STARD3: variants seen among roughly 807,000 people sequenced by gnomAD.
The protein encoded by STARD3 is stAR-related lipid transfer protein 3.
STARD3 carries 39 observed loss-of-function variants against 62.0 expected under a neutral mutation model. The ratio of observed to expected loss-of-function variants is 0.63; its 90% CI spans 0.49 to 0.82. STARD3 has a LOEUF of 0.82. Ranked by LOEUF, STARD3 falls within the 40% of genes least tolerant of loss-of-function variation. The pLI, the probability that STARD3 is intolerant of heterozygous loss-of-function variation, is 0.00. For synonymous variants in STARD3, 229 were observed against 242.4 expected (o/e 0.94, Z 0.51); for missense variants, 543 against 584.5 (o/e 0.93, Z 0.73).
chr17:39,659,779 G>A, intron 9 of STARD3: 1 of 512,464 alleles, frequency 2.0e-6, no homozygotes, highest in Admixed American at 4.0e-5. Context: ...CTTCCCTGCT[G>A]TTCTGCCCCC....
chr17:39,660,256 A>G lies in STARD3; in HGVS notation c.841A>G (p.Lys281Glu), dbSNP rs762116328. ...VYTIEVPFHG[K>E]TFILKTFLPC... is the part of the protein sequence containing the mutation. ...CACCATTGAAGTTCCCTTTCACGGC[A>G]AGACGTTTATCCTGAAGGTGAGTGA... Residue 281 changes from lysine to glutamate, a missense_variant, in exon 10 of 15, where the codon AAG becomes GAG. Coordinates refer to ENST00000336308, the MANE Select transcript of STARD3 (RefSeq NM_006804.4). This position sits in a 1 kb window ranked among gnomAD's most constrained non-coding sequence, Gnocchi z 4.8. 1.9e-6 allele frequency: 3 copies of G among 1,614,028 alleles called. No individual in the cohort carries two copies. The highest frequency in any genetic ancestry group is 2.5e-6 in the Non-Finnish European group (3 of 1,180,018).
At chr17:39,654,550 C>G (rs1041595269) in intron 2 of STARD3, among the ~76,000 whole-genome samples, 8 of 151,398 alleles carry the variant, frequency 5.3e-5, no homozygotes, top group African/African-American at 1.9e-4. Context: ...GGCCCACCCT[C>G]AGGAACACAG....
At position 39,653,822 on chromosome 17, in the gene STARD3, A is replaced by T. The variant is rs1268269702; in HGVS notation, c.219+72A>T. On this transcript the variant is annotated intron_variant, in intron 2 of 14. Transcript: ENST00000336308. ...GGGCCTCAGTTTGTCCATCTGCCAC[A>T]TGGGAGGGCTGCCTCTCCCCTGGGG... 10 of 1,567,926 alleles carry T rather than the reference A, an allele frequency of 6.4e-6. No homozygotes were observed. In the Admixed American group the frequency reaches 8.5e-5, roughly 13 times the overall value.
chr17:39,639,061 G>T (rs1343098026), intron 1 of STARD3, among the ~76,000 whole-genome samples: 1 of 152,190 alleles, frequency 6.6e-6, no homozygotes, highest in Non-Finnish European at 1.5e-5. Flanking sequence ...ACGAGATATG[G>T]TTGTGCCACT....
At chr17:39,661,581 G>A (rs912640198) in intron 13 of STARD3, among the ~76,000 whole-genome samples, 7 of 152,170 alleles carry the variant, frequency 4.6e-5, no homozygotes, top group African/African-American at 1.2e-4. Flanking sequence ...TGGGCTTCTG[G>A]AGTCTTCCCT....
At chr17:39,658,352 G>T in intron 5 of STARD3, 53 bp from the exon 6 acceptor site, 1 of 1,534,140 alleles carries the variant, frequency 6.5e-7, no homozygotes, top group Non-Finnish European at 9.0e-7. Context: ...ACAGAAGGGG[G>T]CTCTGGGTTT....
chr17:39,656,753 C>G, intron 2 of STARD3: 1 of 493,430 alleles, frequency 2.0e-6, no homozygotes, highest in Non-Finnish European at 3.6e-6. Context: ...CTGCCCCTTC[C>G]TGGGCAGGGT....
rs140933373 is a variant in STARD3, at chr17:39,658,518, G to A, written c.543G>A (p.Glu181=). ...TCCTACCCCAGGAAGCTGAAGAGGA[G>A]CGATGTGAGTGCTTGCGGGTAGGGG... The part of the protein sequence containing the change: ...FKVLPQEAEE[E]RWYLAAQVAV... Residue 181 remains glutamate (E), a synonymous_variant, in exon 6 of 15, where the codon GAG becomes GAA. Transcript: ENST00000336308. 4 of 1,613,778 alleles carry A rather than the reference G, an allele frequency of 2.5e-6. No homozygotes were observed. The highest frequency in any genetic ancestry group is 3.4e-6 in the Non-Finnish European group (4 of 1,179,798).
At position 39,659,441 on chromosome 17, in the gene STARD3, T is replaced by C. The variant is rs765766182; in HGVS notation, c.703-20T>C. ...TGCAGGCCCCAGGCTGACCCCTCCC[T>C]GCCTCCTGCTTCCGTCCAGGAGCGG... is the stretch of plus-strand genomic sequence containing the variant. On this transcript the variant is annotated intron_variant, in intron 8 of 14. Transcript: ENST00000336308. 5.6e-6 allele frequency: 9 copies of C among 1,612,344 alleles called. No homozygotes were observed. The highest frequency in any genetic ancestry group is 7.6e-6 in the Non-Finnish European group (9 of 1,178,646).
chr17:39,653,800 C>T, intron 2 of STARD3, 50 bp downstream of exon 2: 1 of 1,605,168 alleles, frequency 6.2e-7, no homozygotes, highest in Non-Finnish European at 8.5e-7. Flanking sequence ...GCCACCCGGG[C>T]CTCAGTTTGT....
chr17:39,647,926 C>T (rs544960802), intron 1 of STARD3, among the ~76,000 whole-genome samples: 3 of 152,278 alleles, frequency 2.0e-5, no homozygotes, highest in Non-Finnish European at 4.4e-5. Context: ...GGGAGGATCG[C>T]TTAAGCCCAG....
chr17:39,642,852 G>C (rs2056993214), intron 1 of STARD3, among the ~76,000 whole-genome samples: 1 of 152,118 alleles, frequency 6.6e-6, no homozygotes, highest in Non-Finnish European at 1.5e-5. Flanking sequence ...CAGAGCAGCA[G>C]GTGCAAGGGC....
Position 39,658,460 on chromosome 17 carries a change from C to A in STARD3, c.485C>A (p.Ala162Asp). The A allele has an allele frequency of 6.2e-7, 1 of 1,614,138 alleles. No individual in the cohort carries two copies. The highest frequency in any genetic ancestry group is 8.5e-7 in the Non-Finnish European group (1 of 1,180,010). Residue 162 changes from alanine (A) to aspartate (D), a missense_variant, in exon 6 of 15, where the codon GCC (alanine) becomes GAC (aspartate). Ala to Asp is a moderately radical substitution (Grantham distance 126). Coordinates refer to ENST00000336308, the MANE Select transcript of STARD3 (RefSeq NM_006804.4). ...YLLPIVSFVL[A>D]WLETWFLDFK... ...CTCCCCATCGTCTCTTTTGTCCTCG[C>A]CTGGTTGGAGACCTGGTTCCTTGAC...
rs1483033846 is a variant in STARD3, at chr17:39,660,616, C to A, written c.954+90C>A. The A allele has an allele frequency of 2.1e-6, 3 of 1,457,926 alleles. No individual in the cohort carries two copies. Among genetic ancestry groups the A allele is most frequent in the African/African-American group, 2.8e-5 (2 of 71,766 alleles). The allele number at this position is 1,457,926 out of a possible 1,614,324, so 90.3% of individuals were successfully genotyped here. On this transcript the variant is annotated intron_variant, in intron 11 of 14. Transcript: ENST00000336308. This position sits in a 1 kb window ranked among gnomAD's most constrained non-coding sequence, Gnocchi z 4.8. ...CTGAAGCACTCAGCGCCTCAGCTGC[C>A]CCATCTGTACAGTGGGTGTGATGGT... is the stretch of plus-strand genomic sequence containing the variant.
At position 39,653,629 on chromosome 17, in the gene STARD3, C is replaced by T. The variant is rs770144965; in HGVS notation, c.98C>T (p.Ser33Phe). The change falls in exon 2 of 15, where the codon TCC becomes TTC. Residue 33 changes from serine to phenylalanine, a missense_variant. Physicochemically the swap from Ser to Phe is radical, Grantham distance 155. Transcript: ENST00000336308. ...TCACTGTCCCACAGCCAGAGCCTCT[C>T]CTCGCACCTCCTTCCGCCGCCTGAG... ...GSSLSHSQSL[S>F]SHLLPPPEKR... 3.9e-5 allele frequency: 63 copies of T among 1,613,684 alleles called. No homozygotes were observed. Among genetic ancestry groups the T allele is most frequent in the Non-Finnish European group, 5.1e-5 (60 of 1,180,012 alleles).
chr17:39,645,259 A>T (rs2057014996), intron 1 of STARD3, among the ~76,000 whole-genome samples: 1 of 152,106 alleles, frequency 6.6e-6, no homozygotes, highest in Non-Finnish European at 1.5e-5. Context: ...CCCAACCTGG[A>T]ATTCACCTCT....
At chr17:39,639,142 G>A (rs910911964) in intron 1 of STARD3, among the ~76,000 whole-genome samples, 11 of 152,238 alleles carry the variant, frequency 7.2e-5, no homozygotes, top group Admixed American at 4.6e-4. Flanking sequence ...TTACTATTAT[G>A]TAAGGACAAC....
In STARD3 at chr17:39,658,003, A is replaced by G. The variant is rs2057149156; in HGVS notation, c.406A>G (p.Ile136Val). ...VTTLVSSAFLIVKVILSELLS... is the reference protein window; with the variant it reads ...VTTLVSSAFLVVKVILSELLS... ...GACGCTGGTGTCCAGTGCATTCCTC[A>G]TTGTCAAGGTCATCCTCTCTGAGGT... The change falls in exon 5 of 15, where the codon ATT becomes GTT. Residue 136 changes from isoleucine (I) to valine (V), a missense_variant. Physicochemically the swap from Ile to Val is conservative, Grantham distance 29. Coordinates refer to ENST00000336308, the MANE Select transcript of STARD3 (RefSeq NM_006804.4). 1.9e-6 allele frequency: 3 copies of G among 1,567,408 alleles called. No individual in the cohort carries two copies. The highest frequency in any genetic ancestry group is 2.6e-6 in the Non-Finnish European group (3 of 1,156,088).
At chr17:39,652,078 T>G (rs116284471) in intron 1 of STARD3, among the ~76,000 whole-genome samples, 2,406 of 152,278 alleles carry the variant, frequency 0.016, 69 homozygotes, top group African/African-American at 0.053. Flanking sequence ...TCTCTGGGCC[T>G]TGGTTGTCGT....
Sources: allele counts gnomAD v4.1 joint callset (sites outside exome capture counted in the v4.1 genomes callset), GRCh38; gene constraint gnomAD v4.1.1; non-coding constraint Gnocchi (gnomAD v3.1); transcripts MANE v1.5; gene names NCBI Gene and HGNC (gene_info 2026-07-23, HGNC 2026-07-21).